ABLIM2: variants seen among roughly 807,000 people sequenced by gnomAD.
ABLIM2 encodes the protein actin-binding LIM protein 2.
ABLIM2 carries 53 observed loss-of-function variants against 97.7 expected under a neutral mutation model. The ratio of observed to expected loss-of-function variants is 0.54; its 90% CI spans 0.44 to 0.68. The LOEUF (loss-of-function observed/expected upper bound fraction) is 0.68. Ranked by LOEUF, ABLIM2 falls within the 30% of genes least tolerant of loss-of-function variation. The probability of loss-of-function intolerance (pLI) is 0.00; values close to 1 mark genes in which losing one functional copy is unlikely to be tolerated. For synonymous variants in ABLIM2, 361 were observed against 345.8 expected (o/e 1.04, Z -0.49); for missense variants, 835 against 867.2 (o/e 0.96, Z 0.47).
chr4:7,969,982 ATG>A (rs1426717997), intron 20 of ABLIM2, among the ~76,000 whole-genome samples: 5 of 152,188 alleles, frequency 3.3e-5, no homozygotes, highest in Non-Finnish European at 5.9e-5. Context: ...TTGACACTCA[ATG>A]TGTCATTTAA....
intron 1 of ABLIM2, among the ~76,000 whole-genome samples, chr4:8,133,954 G>C (rs1849801321): frequency 6.6e-6 from 1 of 152,164 alleles, no homozygotes; most frequent in African/African-American, 2.4e-5. Flanking sequence ...GGGGACATGG[G>C]GGTCTCGTCA....
chr4:8,134,770 TG>T (rs566560965), intron 1 of ABLIM2, among the ~76,000 whole-genome samples: 15 of 152,354 alleles, frequency 9.8e-5, no homozygotes, highest in African/African-American at 3.1e-4. Context: ...TGTGCCCTTT[TG>T]GTACAGGTAC....
At chr4:8,115,219 C>A (rs1454567207) in intron 1 of ABLIM2, among the ~76,000 whole-genome samples, 1 of 152,196 alleles carries the variant, frequency 6.6e-6, no homozygotes, top group Non-Finnish European at 1.5e-5. Flanking sequence ...CAAACTACGA[C>A]CTCCTGGGAT....
intron 14 of ABLIM2, among the ~76,000 whole-genome samples, chr4:8,012,108 A>G (rs1312725576): frequency 6.7e-6 from 1 of 148,586 alleles, no homozygotes; most frequent in Non-Finnish European, 1.5e-5. Flanking sequence ...CTGCCCATCC[A>G]TCCACCCATC....
At chr4:7,971,052 C>G (rs1348517881) in intron 20 of ABLIM2, among the ~76,000 whole-genome samples, 1 of 152,114 alleles carries the variant, frequency 6.6e-6, no homozygotes. Flanking sequence ...GGGGTCTGTT[C>G]ATAACTCTGG....
rs185625036 is a variant in ABLIM2 at position 8,004,157 on chromosome 4, C to T, written c.1618+3902G>A. On this transcript the variant is annotated intron_variant, in intron 16 of 20. Transcript: ENST00000447017. The surrounding 1 kb of genome is among the most constrained non-coding windows in gnomAD (Gnocchi z 5.9). ...CTGCAGCAGGGTCGCTGTCTCCTAA[C>T]CCTCCCTCCCAACGGGCTCCGAGAC... is the stretch of plus-strand genomic sequence containing the variant. Among the ~76,000 whole-genome samples, 1 of 151,876 alleles carries T rather than the reference C, an allele frequency of 6.6e-6. No homozygotes were observed. The highest frequency in any genetic ancestry group is 6.6e-5 in the Admixed American group (1 of 15,254).
chr4:8,062,889 G>C (rs1471757003), intron 6 of ABLIM2, among the ~76,000 whole-genome samples: 4 of 152,186 alleles, frequency 2.6e-5, no homozygotes, highest in East Asian at 1.9e-4. Context: ...CCTGTGACCT[G>C]TCCTCACACC....
chr4:8,069,964 C>T lies in ABLIM2; in HGVS notation c.675+7664G>A, dbSNP rs767968045. 9.9e-5 allele frequency among the ~76,000 whole-genome samples: 15 copies of T among 151,668 alleles called. No homozygotes were observed. The highest frequency in any genetic ancestry group is 1.9e-4 in the African/African-American group (8 of 41,240). On this transcript the variant is annotated intron_variant, in intron 6 of 20. Coordinates refer to ENST00000447017, the MANE Select transcript of ABLIM2 (RefSeq NM_001130083.2). The surrounding 1 kb of genome is among the most constrained non-coding windows in gnomAD (Gnocchi z 4.2). ...CATGTGTGTTGTTTGTGTGCCTAAG[C>T]GTGCTGTCTGCACGTCTTGTATGTG... is the stretch of plus-strand genomic sequence containing the variant.
intron 1 of ABLIM2, among the ~76,000 whole-genome samples, chr4:8,110,051 T>C (rs1839538484): frequency 6.6e-6 from 1 of 152,192 alleles, no homozygotes; most frequent in African/African-American, 2.4e-5. Flanking sequence ...AGAACGAGGA[T>C]TAGAATTGTG....
In ABLIM2 at chr4:7,992,361, C is replaced by T. The variant is rs1168617651; in HGVS notation, c.1680+505G>A. 1.3e-5 allele frequency among the ~76,000 whole-genome samples: 2 copies of T among 152,142 alleles called. No homozygotes were observed. Among genetic ancestry groups the T allele is most frequent in the Admixed American group, 1.3e-4 (2 of 15,278 alleles). On this transcript the variant is annotated intron_variant, in intron 17 of 20. Transcript: ENST00000447017. The surrounding 1 kb of genome is among the most constrained non-coding windows in gnomAD (Gnocchi z 5.7). ...CCAAAGAGCCTGACTTCAAGTTAAT[C>T]CAATCTCCGTGCAGCCTCAAGTAAC...
At chr4:8,142,008 T>C (rs928960093) in intron 1 of ABLIM2, among the ~76,000 whole-genome samples, 1 of 152,190 alleles carries the variant, frequency 6.6e-6, no homozygotes, top group Non-Finnish European at 1.5e-5. Flanking sequence ...GGCCATGTCA[T>C]CCTGGGGCCA....
chr4:7,980,942 T>TCTTTTTC (rs58879732), intron 20 of ABLIM2, among the ~76,000 whole-genome samples: 1 of 37,640 alleles, frequency 2.7e-5, no homozygotes, highest in African/African-American at 7.4e-5. Flanking sequence ...CAACCCCTTA[T>TCTTTTTC]TTTTTTTTTT....
intron 2 of ABLIM2, among the ~76,000 whole-genome samples, chr4:8,099,776 C>T (rs1025395849): frequency 3.9e-5 from 6 of 152,056 alleles, no homozygotes; most frequent in East Asian, 1.9e-4. Context: ...ACCTGGGAGG[C>T]GGAGCTTGCA....
Position 8,046,446 on chromosome 4 carries a change from C to T in ABLIM2, c.823-1205G>A, listed in dbSNP as rs1792502969. ...CTATTCACCCTGTCCAAAAGAAGCC[C>T]ATATCCACAGAGGCCTCCCCAGCCC... On this transcript the variant is annotated intron_variant, in intron 8 of 20. Coordinates refer to ENST00000447017, the MANE Select transcript of ABLIM2 (RefSeq NM_001130083.2). The surrounding 1 kb of genome is among the most constrained non-coding windows in gnomAD (Gnocchi z 4.4). Among the ~76,000 whole-genome samples, 3 of 152,194 alleles carry T rather than the reference C, an allele frequency of 2.0e-5. No individual in the cohort carries two copies. Among genetic ancestry groups the T allele is most frequent in the African/African-American group, 4.8e-5 (2 of 41,434 alleles).
In ABLIM2 at chr4:8,106,617, G is replaced by T; in HGVS notation, c.31C>A (p.Pro11Thr). 1 of 1,611,318 alleles carries T rather than the reference G, an allele frequency of 6.2e-7. No homozygotes were observed. The highest frequency in any genetic ancestry group is 8.5e-7 in the Non-Finnish European group (1 of 1,178,836). The change falls in exon 2 of 21, where the codon CCC becomes ACC. Residue 11 changes from proline (P) to threonine (T), a missense_variant. Physicochemically the swap from Pro to Thr is conservative, Grantham distance 38. Coordinates refer to ENST00000447017, the MANE Select transcript of ABLIM2 (RefSeq NM_001130083.2). MSAVSQPQAA[P>T]SPLEKSPSTA... ...CTGGGCGACTTCTCCAGCGGGCTGG[G>T]AGCAGCCTGGGGCTGCGACACTGTT... is the stretch of plus-strand genomic sequence containing the variant.
chr4:8,019,736 T>A lies in ABLIM2; in HGVS notation c.1370-65A>T. The A allele has an allele frequency of 6.8e-7, 1 of 1,470,752 alleles. No homozygotes were observed. Among genetic ancestry groups the A allele is most frequent in the Non-Finnish European group, 9.5e-7 (1 of 1,057,354 alleles). The allele number at this position is 1,470,752 out of a possible 1,614,324, so 91.1% of individuals were successfully genotyped here. ...GTAAGCAGCAAGTTGTGATGGTTTC[T>A]GTTCTACAGCTTTTTGTAAGCAACA... On this transcript the variant is annotated intron_variant, in intron 13 of 20. Coordinates refer to ENST00000447017, the MANE Select transcript of ABLIM2 (RefSeq NM_001130083.2). The surrounding 1 kb of genome is among the most constrained non-coding windows in gnomAD (Gnocchi z 4.3).
chr4:8,093,106 C>G (rs1208425272), intron 3 of ABLIM2, among the ~76,000 whole-genome samples: 1 of 152,234 alleles, frequency 6.6e-6, no homozygotes, highest in Non-Finnish European at 1.5e-5. Context: ...GGCTCAGCCT[C>G]CCAAAGTGCT....
chr4:8,016,012 T>C (rs1360895813), intron 14 of ABLIM2, among the ~76,000 whole-genome samples: 1 of 151,452 alleles, frequency 6.6e-6, no homozygotes, highest in Non-Finnish European at 1.5e-5. Flanking sequence ...TTCCTGTCTG[T>C]AATAAGAGGT....
intron 2 of ABLIM2, among the ~76,000 whole-genome samples, chr4:8,101,729 T>C (rs377744008): frequency 6.6e-6 from 1 of 152,200 alleles, no homozygotes; most frequent in Admixed American, 6.5e-5. Context: ...CACATGGGTG[T>C]GGCCTCATCT....
Sources: gnomAD v4.1 joint callset for allele counts (sites outside exome capture counted in the v4.1 genomes callset) on GRCh38, gnomAD v4.1.1 for gene constraint, Gnocchi (gnomAD v3.1) non-coding constraint, MANE v1.5 for transcripts, NCBI Gene and HGNC (gene_info 2026-07-23, HGNC 2026-07-21) for gene names.